SETBP1: variants seen among roughly 807,000 people sequenced by gnomAD.
SETBP1 encodes the protein SET-binding protein.
Under a neutral mutation model 101.0 loss-of-function variants are expected in SETBP1, and 9 were observed. The observed-to-expected ratio is 0.09, with a 90% confidence interval of 0.05 to 0.16. The LOEUF is 0.16. SETBP1 is among the 10% of genes least tolerant of loss of function. The pLI is 1.00. For synonymous variants in SETBP1, 818 were observed against 788.5 expected, an observed-to-expected ratio of 1.04 and a Z score of -0.63; for missense variants, 1,858 against 2,033.8, an observed-to-expected ratio of 0.91 and a Z score of 1.66.
intron 3 of SETBP1, among the ~76,000 whole-genome samples, chr18:44,893,341 G>A (rs577562906): frequency 5.3e-5 from 8 of 152,228 alleles, no homozygotes; most frequent in South Asian, 4.2e-4. Context: ...AATAACCCTT[G>A]GGGGTAGGTT....
chr18:44,873,605 G>C (rs1285282502), intron 3 of SETBP1, among the ~76,000 whole-genome samples: 1 of 152,068 alleles, frequency 6.6e-6, no homozygotes, highest in Non-Finnish European at 1.5e-5. Flanking sequence ...ATGGAGGAAG[G>C]CTAAGACAAC....
At chr18:44,930,011 G>A (rs532307993) in intron 3 of SETBP1, among the ~76,000 whole-genome samples, 1 of 152,304 alleles carries the variant, frequency 6.6e-6, no homozygotes, top group Admixed American at 6.5e-5. Flanking sequence ...CTTGTCTTGT[G>A]CCAGTTTTCA....
At chr18:44,947,474 A>G (rs2071233975) in intron 3 of SETBP1, among the ~76,000 whole-genome samples, 1 of 150,412 alleles carries the variant, frequency 6.6e-6, no homozygotes, top group Non-Finnish European at 1.5e-5. Context: ...GTCCAAAAGA[A>G]TCACACCGTT....
chr18:45,058,522 C>T (rs2073844037), intron 5 of SETBP1, among the ~76,000 whole-genome samples: 1 of 152,148 alleles, frequency 6.6e-6, no homozygotes, highest in South Asian at 2.1e-4. Context: ...CTGGTTCAGC[C>T]ATCCAATGTA....
intron 3 of SETBP1, among the ~76,000 whole-genome samples, chr18:44,930,836 T>C (rs569672526): frequency 1.5e-3 from 221 of 152,252 alleles, no homozygotes; most frequent in African/African-American, 4.9e-3. Flanking sequence ...TTTTCTTCTT[T>C]ATTAGTCTTG....
In SETBP1 at chr18:44,949,873, A is replaced by AC. The variant is rs1555705763; in HGVS notation, c.541-5dup. 6.2e-7 allele frequency: 1 copy of AC among 1,609,166 alleles called. No homozygotes were observed. Among genetic ancestry groups the AC allele is most frequent in the Non-Finnish European group, 8.5e-7 (1 of 1,177,442 alleles). ...GTCTCTCTCCCTCTCCACTCCACCC[A>AC]CCCTTAGGCTTACGAGAGGCCCCAG... On this transcript the variant is annotated splice_polypyrimidine_tract_variant and splice_region_variant and intron_variant, in intron 3 of 5. Transcript: ENST00000649279.
intron 5 of SETBP1, among the ~76,000 whole-genome samples, chr18:45,059,023 C>A (rs984845782): frequency 2.0e-5 from 3 of 152,158 alleles, no homozygotes; most frequent in African/African-American, 7.2e-5. Flanking sequence ...GAGCACTGTC[C>A]AGCCCTAAGA....
chr18:44,945,345 A>G (rs2071180918), intron 3 of SETBP1, among the ~76,000 whole-genome samples: 1 of 152,224 alleles, frequency 6.6e-6, no homozygotes. Flanking sequence ...TAGTTAACTT[A>G]TAGGGGAGAG....
intron 2 of SETBP1, among the ~76,000 whole-genome samples, chr18:44,767,377 G>C (rs546744223): frequency 7.2e-5 from 11 of 152,304 alleles, no homozygotes; most frequent in African/African-American, 2.4e-4. Flanking sequence ...GGTTATGTGG[G>C]AGTAAATTGA....
At chr18:44,770,811 C>G (rs2070855773) in intron 2 of SETBP1, among the ~76,000 whole-genome samples, 1 of 80,226 alleles carries the variant, frequency 1.2e-5, no homozygotes, top group Admixed American at 1.3e-4. Context: ...AGGGTGGGAG[C>G]AAGAAAAGTT....
chr18:45,018,198 G>T (rs9958740), intron 4 of SETBP1, among the ~76,000 whole-genome samples: 63,991 of 152,050 alleles, frequency 0.42, 14,221 homozygotes, highest in African/African-American at 0.55. Context: ...TTTCTTTAAA[G>T]GGGAAATGGA....
intron 4 of SETBP1, among the ~76,000 whole-genome samples, chr18:45,022,002 C>A (rs113919313): frequency 0.045 from 6,900 of 152,234 alleles, 176 homozygotes; most frequent in South Asian, 0.096. Context: ...TAACTATGCC[C>A]TACTGTTAAC....
At chr18:45,054,675 C>G (rs1473991461) in intron 5 of SETBP1, among the ~76,000 whole-genome samples, 3 of 152,206 alleles carry the variant, frequency 2.0e-5, no homozygotes, top group African/African-American at 7.2e-5. Flanking sequence ...TTTTTCAGGA[C>G]TGCCAAAATC....
intron 2 of SETBP1, among the ~76,000 whole-genome samples, chr18:44,861,902 G>C (rs1263327313): frequency 3.3e-5 from 5 of 152,182 alleles, no homozygotes; most frequent in Non-Finnish European, 7.3e-5. Flanking sequence ...GGTTCATTAA[G>C]TTCAAATAAG....
intron 3 of SETBP1, chr18:44,877,115 T>C (rs912321451): frequency 9.9e-7 from 1 of 1,007,264 alleles, no homozygotes; most frequent in Non-Finnish European, 1.2e-6. Flanking sequence ...ATCTTTGCTC[T>C]CTTACCCCAT....
chr18:44,709,655 C>T lies in SETBP1; in HGVS notation c.486+7823C>T, dbSNP rs547904233. Among the ~76,000 whole-genome samples the T allele has an allele frequency of 1.4e-4, 21 of 152,190 alleles. 1 individual carries two copies. Among genetic ancestry groups the T allele is most frequent in the African/African-American group, 5.1e-4 (21 of 41,504 alleles). On this transcript the variant is annotated intron_variant, in intron 2 of 5. Coordinates refer to ENST00000649279, the MANE Select transcript of SETBP1 (RefSeq NM_015559.3). ...CCCTGCGGACCATCCATAGGAGCTTCCTTAGTTGAGGCACAGAGTGGGCAC... is the reference window on the plus strand; with the variant it reads ...CCCTGCGGACCATCCATAGGAGCTTTCTTAGTTGAGGCACAGAGTGGGCAC...
chr18:45,038,334 C>T, intron 4 of SETBP1, 151 bp from the exon 5 acceptor site: 4 of 788,684 alleles, frequency 5.1e-6, no homozygotes, highest in South Asian at 3.2e-5. Context: ...GCTATTTTTT[C>T]TCTTTTAGCA....
chr18:44,841,862 C>T (rs1003670916), intron 2 of SETBP1, among the ~76,000 whole-genome samples: 3 of 152,170 alleles, frequency 2.0e-5, no homozygotes, highest in African/African-American at 7.2e-5. Context: ...TATGAGCTCC[C>T]TGTGTGATAT....
intron 3 of SETBP1, among the ~76,000 whole-genome samples, chr18:44,934,896 C>T (rs2070924530): frequency 6.6e-6 from 1 of 152,196 alleles, no homozygotes. Context: ...ACACATGCCA[C>T]ACTATCTTCA....
Sources: gnomAD v4.1 joint callset for allele counts (sites outside exome capture counted in the v4.1 genomes callset) on GRCh38, gnomAD v4.1.1 for gene constraint, MANE v1.5 for transcripts, NCBI Gene and HGNC (gene_info 2026-07-23, HGNC 2026-07-21) for gene names.